DMD: variants seen among roughly 807,000 people sequenced by gnomAD.
DMD encodes the protein mutant dystrophin.
Under a neutral mutation model 330.1 loss-of-function variants are expected in DMD, and 63 were observed. That is an observed-to-expected ratio of 0.19 (90% CI 0.16 to 0.24). The LOEUF (loss-of-function observed/expected upper bound fraction) is 0.24, where lower values mean the gene tolerates loss of function less well. Among genes scored for constraint, DMD ranks in the 10% least tolerant of loss-of-function variants. The probability of loss-of-function intolerance (pLI) is 1.00; values close to 1 mark genes in which losing one functional copy is unlikely to be tolerated. For missense variants in DMD, 3,344 were observed against 2,684.1 expected (o/e 1.25, Z -5.43); for synonymous variants, 1,223 against 959.8 (o/e 1.27, Z -5.07).
intron 45 of DMD, among the ~76,000 whole-genome samples, chrX:31,947,517 A>G: frequency 8.9e-6 from 1 of 112,250 alleles, no homozygotes; most frequent in Non-Finnish European, 1.9e-5. Flanking sequence ...ACTGACTACG[A>G]TGGTTTGACT....
At chrX:32,818,764 C>A (rs867890156) in intron 5 of DMD, among the ~76,000 whole-genome samples, 37 of 110,195 alleles carry the variant, frequency 3.4e-4, no homozygotes, top group African/African-American at 9.9e-4. Context: ...CTCTCAGGTA[C>A]CACCTGAGTT....
chrX:31,600,520 T>G (rs1276354797), intron 55 of DMD, among the ~76,000 whole-genome samples: 1 of 101,315 alleles, frequency 9.9e-6, no homozygotes, highest in Non-Finnish European at 2.0e-5. Flanking sequence ...GTTTTTTTTT[T>G]TTTTTTTTTT....
chrX:33,292,372 T>C (rs1426000680), intron 1 of DMD, among the ~76,000 whole-genome samples: 1 of 111,817 alleles, frequency 8.9e-6, no homozygotes, highest in Non-Finnish European at 1.9e-5. Flanking sequence ...AAAACAGAAA[T>C]GTATCAATGA....
intron 43 of DMD, among the ~76,000 whole-genome samples, chrX:32,282,127 T>A (rs2097422947): frequency 8.9e-6 from 1 of 112,109 alleles, no homozygotes; most frequent in Non-Finnish European, 1.9e-5. Flanking sequence ...TGTTCTACCC[T>A]CTTAGTCTTT....
intron 1 of DMD, among the ~76,000 whole-genome samples, chrX:33,065,189 A>G (rs1020584913): frequency 1.8e-5 from 2 of 112,231 alleles, no homozygotes; most frequent in African/African-American, 6.5e-5. Context: ...ATAAAATGTA[A>G]TTATAATTTT....
chrX:33,009,930 ATG>A (rs766575481), intron 2 of DMD, among the ~76,000 whole-genome samples: 2 of 28,970 alleles, frequency 6.9e-5, no homozygotes, highest in African/African-American at 1.2e-4. Flanking sequence ...GTGTATACAC[ATG>A]TGTGTATATA....
At chrX:31,844,850 A>G (rs1241045884) in intron 48 of DMD, among the ~76,000 whole-genome samples, 1 of 110,824 alleles carries the variant, frequency 9.0e-6, no homozygotes, top group Non-Finnish European at 1.9e-5. Context: ...ATATTTTTAA[A>G]TTAAGGCATG....
chrX:32,665,318 C>A (rs994440797), intron 9 of DMD, among the ~76,000 whole-genome samples: 2 of 110,545 alleles, frequency 1.8e-5, no homozygotes, highest in African/African-American at 6.6e-5. Context: ...CTTTTCTGTA[C>A]CACTGAACCT....
At chrX:33,125,781 A>G (rs188362257) in intron 1 of DMD, among the ~76,000 whole-genome samples, 156 of 111,817 alleles carry the variant, frequency 1.4e-3, no homozygotes, top group Non-Finnish European at 2.5e-3. Context: ...TAATGGCCCA[A>G]AAGGGGAGAC....
chrX:32,562,772 T>A (rs918786531), intron 16 of DMD, among the ~76,000 whole-genome samples: 21 of 111,940 alleles, frequency 1.9e-4, no homozygotes, highest in African/African-American at 6.2e-4. Flanking sequence ...TCTTATATGA[T>A]ACTATTTCGC....
rs2147559081 is a variant in DMD at position 31,120,918 on chromosome X, T to TAAGTC, written c.*996_*1000dup. The TAAGTC allele has an allele frequency of 9.0e-6, 1 of 111,308 alleles. No individual in the cohort carries two copies. Among genetic ancestry groups the TAAGTC allele is most frequent in the African/African-American group, 3.3e-5 (1 of 30,262 alleles). The allele number at this position is 111,308 out of a possible 1,213,427, so 9.2% of individuals were successfully genotyped here. On this transcript the variant is annotated 3_prime_UTR_variant, in exon 79 of 79. Transcript: ENST00000357033. ...CAACCGATTACTCACTCTGATATAA[T>TAAGTC]AAGTCCTGTGTATTCATTCACATGT...
intron 44 of DMD, among the ~76,000 whole-genome samples, chrX:32,073,804 T>C (rs978879390): frequency 1.8e-5 from 2 of 111,739 alleles, no homozygotes; most frequent in African/African-American, 6.5e-5. Context: ...AACATATTTT[T>C]ACATCTCAGA....
chrX:31,242,498 C>T (rs1442310474), intron 63 of DMD, among the ~76,000 whole-genome samples: 1 of 110,564 alleles, frequency 9.0e-6, no homozygotes, highest in Non-Finnish European at 1.9e-5. Flanking sequence ...TACTGCTCTT[C>T]CTACCTATAT....
chrX:33,259,604 C>T (rs1379957943), intron 1 of DMD, among the ~76,000 whole-genome samples: 2 of 68,964 alleles, frequency 2.9e-5, no homozygotes, highest in African/African-American at 1.0e-4. Flanking sequence ...ATCGCCCCCC[C>T]CCCCCAAAAA....
rs186151166 is a variant in DMD, at chrX:31,643,851, A to C, written c.8027+14139T>G. Among the ~76,000 whole-genome samples, 115 of 111,953 alleles carry C rather than the reference A, an allele frequency of 1.0e-3. 2 individuals are homozygous for C. The East Asian group carries it at 0.031, about 30-fold the overall frequency. ...ATACTTTCATAGAATGTGGACTCAT[A>C]TATATGTATATGGAGAATTTTGTTC... is the stretch of plus-strand genomic sequence containing the variant. On this transcript the variant is annotated intron_variant, in intron 54 of 78. Transcript: ENST00000357033.
At chrX:33,302,923 A>AAAATT (rs2053688376) in intron 1 of DMD, among the ~76,000 whole-genome samples, 1 of 111,764 alleles carries the variant, frequency 8.9e-6, no homozygotes, top group Non-Finnish European at 1.9e-5. Flanking sequence ...TCTGGACTCT[A>AAAATT]CGTATTCATA....
intron 55 of DMD, among the ~76,000 whole-genome samples, chrX:31,553,951 G>A (rs905843895): frequency 8.9e-6 from 1 of 112,464 alleles, no homozygotes; most frequent in Admixed American, 9.4e-5. Context: ...CATTACATAT[G>A]TCCTTTTGAT....
At chrX:31,918,018 C>A (rs2094632642) in intron 47 of DMD, among the ~76,000 whole-genome samples, 1 of 111,437 alleles carries the variant, frequency 9.0e-6, no homozygotes, top group Non-Finnish European at 1.9e-5. Context: ...TTTCCCTTGC[C>A]AATATTATAA....
intron 7 of DMD, among the ~76,000 whole-genome samples, chrX:32,772,846 G>C (rs757938768): frequency 1.9e-5 from 2 of 104,600 alleles, no homozygotes; most frequent in Admixed American, 2.0e-4. Flanking sequence ...ACATAAAATC[G>C]TTTGGGGAAA....
Sources: gnomAD v4.1 joint callset for allele counts (sites outside exome capture counted in the v4.1 genomes callset) on GRCh38, gnomAD v4.1.1 for gene constraint, MANE v1.5 for transcripts, NCBI Gene and HGNC (gene_info 2026-07-23, HGNC 2026-07-21) for gene names.